The following APBB2 variants were observed in gnomAD, a reference collection of about 807,000 sequenced individuals.
APBB2 encodes Fe65-like 1.
In APBB2, 38 loss-of-function variants were observed where a neutral mutation model predicts 82.5. The observed-to-expected ratio is 0.46, with a 90% confidence interval of 0.36 to 0.60. The LOEUF (loss-of-function observed/expected upper bound fraction) is 0.60, where lower values mean the gene tolerates loss of function less well. APBB2 is among the 20% of genes least tolerant of loss of function. The pLI is 0.00. For missense variants in APBB2, 772 were observed against 972.3 expected (o/e 0.79, Z 2.74); for synonymous variants, 341 against 368.2 (o/e 0.93, Z 0.85).
chr4:40,974,833 C>CT (rs1262274735), intron 6 of APBB2, among the ~76,000 whole-genome samples: 3 of 152,194 alleles, frequency 2.0e-5, no homozygotes, highest in African/African-American at 7.2e-5. Context: ...CCAAAGCAAC[C>CT]TTACATTACA....
intron 6 of APBB2, among the ~76,000 whole-genome samples, chr4:41,002,999 C>T (rs1173120631): frequency 4.6e-5 from 7 of 152,188 alleles, no homozygotes; most frequent in Admixed American, 4.6e-4. Flanking sequence ...TGTTTCTAAG[C>T]TTTGATCAAA....
chr4:41,071,488 C>CTGGCCAA (rs1267249385), intron 3 of APBB2, among the ~76,000 whole-genome samples: 1 of 152,100 alleles, frequency 6.6e-6, no homozygotes. Flanking sequence ...CGAGACCAGC[C>CTGGCCAA]TGGCCAACAT....
intron 12 of APBB2, among the ~76,000 whole-genome samples, chr4:40,878,758 T>C (rs576360614): frequency 6.6e-6 from 1 of 152,298 alleles, no homozygotes; most frequent in East Asian, 1.9e-4. Flanking sequence ...TGTGTTCCTT[T>C]ATTTATAGCC....
Position 40,898,855 on chromosome 4 carries a change from T to A in APBB2, c.1255-5444A>T, listed in dbSNP as rs201899394. Among the ~76,000 whole-genome samples, 313 of 118,258 alleles carry A rather than the reference T, an allele frequency of 2.6e-3. 1 individual carries two copies. The highest frequency in any genetic ancestry group is 8.0e-3 in the South Asian group (24 of 3,012). 77.6% of individuals were successfully genotyped at this position (118,258 alleles called of 152,430 possible). On this transcript the variant is annotated intron_variant, in intron 10 of 17. Coordinates refer to ENST00000508593, the MANE Select transcript of APBB2 (RefSeq NM_004307.2). ...AAAGAAAAAAGAAACACACACACAC[T>A]CACACACACACACACACACACACAC...
In APBB2 at chr4:40,893,382, T is replaced by G. The variant is rs753930557; in HGVS notation, c.1284A>C (p.Val428=). 1 of 1,613,270 alleles carries G rather than the reference T, an allele frequency of 6.2e-7. No homozygotes were observed. Among genetic ancestry groups the G allele is most frequent in the Non-Finnish European group, 8.5e-7 (1 of 1,179,638 alleles). Residue 428 remains valine, a synonymous_variant, in exon 11 of 18, where the codon GTA becomes GTC. Transcript: ENST00000508593. ...KCFAVRSLGW[V]EMAEEDLAPG... ...GGGCGAGGTCCTCTTCTGCCATCTC[T>G]ACCCATCCCAGAGAACGCACAGCAA...
intron 5 of APBB2, among the ~76,000 whole-genome samples, chr4:41,026,233 C>T (rs1714154396): frequency 6.6e-6 from 1 of 152,084 alleles, no homozygotes; most frequent in Non-Finnish European, 1.5e-5. Context: ...CTATTGGGTA[C>T]TGAGCTTAAT....
At chr4:40,963,029 C>CT (rs1321683429) in intron 6 of APBB2, among the ~76,000 whole-genome samples, 1 of 152,076 alleles carries the variant, frequency 6.6e-6, no homozygotes, top group Non-Finnish European at 1.5e-5. Context: ...TACTTTGGTT[C>CT]TTTTTTTCCC....
At chr4:40,973,938 G>GC (rs906619807) in intron 6 of APBB2, among the ~76,000 whole-genome samples, 3 of 148,824 alleles carry the variant, frequency 2.0e-5, no homozygotes, top group South Asian at 4.3e-4. Flanking sequence ...TGCAACCTCC[G>GC]CCCCCCAAGT....
chr4:41,106,912 G>A (rs1418715085), intron 2 of APBB2, among the ~76,000 whole-genome samples: 2 of 152,132 alleles, frequency 1.3e-5, no homozygotes, highest in Non-Finnish European at 2.9e-5. Flanking sequence ...GTGCCAAAAA[G>A]CAAGGGAGTG....
intron 2 of APBB2, among the ~76,000 whole-genome samples, chr4:41,121,986 GC>G (rs1300570231): frequency 1.3e-5 from 2 of 152,060 alleles, no homozygotes; most frequent in Non-Finnish European, 2.9e-5. Flanking sequence ...GAGTGCAGTG[GC>G]CCCATCTCGA....
chr4:41,031,760 A>G (rs1042322600), intron 5 of APBB2, among the ~76,000 whole-genome samples: 2 of 152,234 alleles, frequency 1.3e-5, no homozygotes, highest in African/African-American at 2.4e-5. Context: ...TTAATAACCT[A>G]TCTCATAAAA....
At chr4:41,092,483 G>A (rs1037708858) in intron 3 of APBB2, among the ~76,000 whole-genome samples, 2 of 152,144 alleles carry the variant, frequency 1.3e-5, no homozygotes, top group Admixed American at 1.3e-4. Context: ...TTTGGTCTGA[G>A]TCTGAGACCA....
At position 41,114,014 on chromosome 4, in the gene APBB2, A is replaced by T. The variant is rs970642756; in HGVS notation, c.-260-13264T>A. The stretch of plus-strand genomic sequence containing the variant: ...TTAGCCTGGCCCCTGCGCAAGGATG[A>T]CACGCAAATTCATGGAGCGTTCCAT... On this transcript the variant is annotated intron_variant, in intron 2 of 17. Transcript: ENST00000508593. 7 of 152,498 alleles carry T rather than the reference A, an allele frequency of 4.6e-5. 1 individual carries two copies. Among genetic ancestry groups the T allele is most frequent in the Admixed American group, 1.3e-4 (2 of 15,286 alleles). 9.4% of individuals were successfully genotyped at this position (152,498 alleles called of 1,614,324 possible). A position where few individuals can be genotyped will look rare whatever the true frequency, so the allele number is the denominator to read the frequency against.
At chr4:40,989,116 G>A (rs991071091) in intron 6 of APBB2, among the ~76,000 whole-genome samples, 1 of 152,224 alleles carries the variant, frequency 6.6e-6, no homozygotes, top group Admixed American at 6.5e-5. Context: ...GAAACAAACT[G>A]ATAACCTAAC....
intron 10 of APBB2, among the ~76,000 whole-genome samples, chr4:40,922,002 C>T (rs1781381350): frequency 6.6e-6 from 1 of 152,170 alleles, no homozygotes; most frequent in Non-Finnish European, 1.5e-5. Flanking sequence ...GTGCCAACAA[C>T]AGAGGGGGAA....
chr4:40,832,000 ATATT>A (rs201264276), intron 12 of APBB2, among the ~76,000 whole-genome samples: 14 of 102,792 alleles, frequency 1.4e-4, no homozygotes, highest in African/African-American at 6.2e-4. Context: ...ACATATTTAT[ATATT>A]TATTTATATA....
chr4:40,843,475 C>T (rs369600966), intron 12 of APBB2, among the ~76,000 whole-genome samples: 7 of 152,082 alleles, frequency 4.6e-5, no homozygotes, highest in African/African-American at 1.7e-4. Flanking sequence ...ATAAAAACAA[C>T]AAAATGTTTG....
At chr4:41,126,596 T>C (rs1178270490) in intron 2 of APBB2, among the ~76,000 whole-genome samples, 3 of 152,174 alleles carry the variant, frequency 2.0e-5, no homozygotes, top group Non-Finnish European at 4.4e-5. Flanking sequence ...AGTAGTTTGA[T>C]AGGACTGCCA....
At chr4:40,998,920 T>G (rs781117967) in intron 6 of APBB2, among the ~76,000 whole-genome samples, 23 of 152,106 alleles carry the variant, frequency 1.5e-4, no homozygotes, top group Non-Finnish European at 2.9e-4. Context: ...CTGGGCGGGA[T>G]GAAGCAGGAT....
Sources: gnomAD v4.1 joint callset for allele counts (sites outside exome capture counted in the v4.1 genomes callset) on GRCh38, gnomAD v4.1.1 for gene constraint, MANE v1.5 for transcripts, NCBI Gene and HGNC (gene_info 2026-07-23, HGNC 2026-07-21) for gene names.